The following CCDC60 variants were observed in gnomAD, a reference collection of about 807,000 sequenced individuals.
CCDC60 encodes the protein coiled-coil domain-containing protein 60.
CCDC60 carries 54 observed loss-of-function variants against 63.5 expected under a neutral mutation model. The ratio of observed to expected loss-of-function variants is 0.85; its 90% CI spans 0.68 to 1.07. The LOEUF (loss-of-function observed/expected upper bound fraction) is 1.07, where lower values mean the gene tolerates loss of function less well. Ranked by LOEUF, CCDC60 falls within the 50% of genes least tolerant of loss-of-function variation. The pLI is 0.00. For missense variants in CCDC60, 651 were observed against 684.3 expected (o/e 0.95, Z 0.54); for synonymous variants, 206 against 238.8 (o/e 0.86, Z 1.27).
At position 119,456,082 on chromosome 12, in the gene CCDC60, T is replaced by G. The variant is rs1950745268; in HGVS notation, c.171-15912T>G. 7.1e-6 allele frequency among the ~76,000 whole-genome samples: 1 copy of G among 140,420 alleles called. No individual in the cohort carries two copies. The highest frequency in any genetic ancestry group is 1.6e-5 in the Non-Finnish European group (1 of 62,614). The allele number at this position is 140,420 out of a possible 152,430, so 92.1% of individuals were successfully genotyped here. A position where few individuals can be genotyped will look rare whatever the true frequency, so the allele number is the denominator to read the frequency against. On this transcript the variant is annotated intron_variant, in intron 2 of 13. Transcript: ENST00000327554. The surrounding 1 kb of genome is among the most constrained non-coding windows in gnomAD (Gnocchi z 4.6). ...AAGAAAGCAAGCAAGCATGTGCAAT[T>G]TCAAGGGGGTAGAGAGATGCAAAGG...
At chr12:119,381,985 C>G (rs1355279013) in intron 1 of CCDC60, among the ~76,000 whole-genome samples, 5 of 152,224 alleles carry the variant, frequency 3.3e-5, no homozygotes, top group African/African-American at 9.6e-5. Context: ...TTGCAGGCAT[C>G]TGACACCTTC....
intron 1 of CCDC60, among the ~76,000 whole-genome samples, chr12:119,346,736 A>C (rs1327205519): frequency 7.0e-6 from 1 of 141,970 alleles, no homozygotes; most frequent in Non-Finnish European, 1.6e-5. Context: ...TGAGAAGAAG[A>C]GGGAGAAAAA....
At chr12:119,365,367 AT>A (rs1430713803) in intron 1 of CCDC60, among the ~76,000 whole-genome samples, 1 of 152,238 alleles carries the variant, frequency 6.6e-6, no homozygotes, top group Non-Finnish European at 1.5e-5. Context: ...AGGAAAGGAA[AT>A]CCTTTAGCAT....
chr12:119,485,340 C>A (rs989568620), intron 4 of CCDC60, among the ~76,000 whole-genome samples: 4 of 152,206 alleles, frequency 2.6e-5, no homozygotes, highest in African/African-American at 9.7e-5. Flanking sequence ...GGTGGTAGCA[C>A]AAGGAACAGA....
intron 1 of CCDC60, among the ~76,000 whole-genome samples, chr12:119,384,659 G>A (rs989192295): frequency 1.2e-4 from 18 of 152,212 alleles, no homozygotes; most frequent in Admixed American, 1.2e-3. Context: ...CTGCCTACCT[G>A]TGAAGTCTGC....
At chr12:119,488,350 A>C (rs1681383164) in intron 4 of CCDC60, among the ~76,000 whole-genome samples, 1 of 152,170 alleles carries the variant, frequency 6.6e-6, no homozygotes, top group South Asian at 2.1e-4. Flanking sequence ...ACAATTGGAC[A>C]TACATAGGAT....
At chr12:119,478,115 A>G (rs555052678) in intron 3 of CCDC60, among the ~76,000 whole-genome samples, 43 of 152,128 alleles carry the variant, frequency 2.8e-4, no homozygotes, top group Non-Finnish European at 5.4e-4. Context: ...GGAGTTCAAG[A>G]CCAGCCTGGC....
intron 1 of CCDC60, among the ~76,000 whole-genome samples, chr12:119,371,085 C>T (rs1439883852): frequency 1.3e-5 from 2 of 152,040 alleles, no homozygotes; most frequent in African/African-American, 2.4e-5. Context: ...GGGCCCTGGA[C>T]CCTAATGCCT....
intron 2 of CCDC60, among the ~76,000 whole-genome samples, chr12:119,430,195 CACACACAT>C (rs1336523524): frequency 6.6e-6 from 1 of 150,594 alleles, no homozygotes; most frequent in Non-Finnish European, 1.5e-5. Context: ...CACACACACA[CACACACAT>C]ACACACACAC....
rs1952672098 is a variant in CCDC60 at position 119,526,221 on chromosome 12, T to G, written c.1230-2394T>G. Reference sequence around the variant, plus strand: ...AACTGGCTAGCCATATGCAGAAGATTGAAGCTAGACCCCTCCCTTACACCA... The same window carrying G: ...AACTGGCTAGCCATATGCAGAAGATGGAAGCTAGACCCCTCCCTTACACCA... On this transcript the variant is annotated intron_variant, in intron 11 of 13. Transcript: ENST00000327554. 2.6e-5 allele frequency among the ~76,000 whole-genome samples: 4 copies of G among 152,310 alleles called. 1 individual carries two copies. In the South Asian group the frequency reaches 8.3e-4, roughly 32 times the overall value.
chr12:119,539,418 G>T (rs966366802), intron 13 of CCDC60, among the ~76,000 whole-genome samples: 8 of 152,224 alleles, frequency 5.3e-5, no homozygotes, highest in African/African-American at 1.9e-4. Flanking sequence ...GAGGCAGTTT[G>T]GCTACAGTGG....
At chr12:119,348,170 G>T (rs1037225290) in intron 1 of CCDC60, among the ~76,000 whole-genome samples, 1 of 152,088 alleles carries the variant, frequency 6.6e-6, no homozygotes, top group Non-Finnish European at 1.5e-5. Context: ...TTTAAAAGAG[G>T]CTCCTCAAAA....
intron 7 of CCDC60, 119 bp downstream of exon 7, chr12:119,505,422 C>G: frequency 1.5e-6 from 1 of 648,620 alleles, no homozygotes; most frequent in Non-Finnish European, 2.7e-6. Flanking sequence ...TGGGATCCCG[C>G]ATCCTTGTTC....
intron 1 of CCDC60, among the ~76,000 whole-genome samples, chr12:119,422,120 C>G (rs956331507): frequency 1.6e-4 from 24 of 152,116 alleles, no homozygotes; most frequent in Admixed American, 7.2e-4. Context: ...GAAAGGTGGG[C>G]AGGGCAGAGA....
At chr12:119,341,294 A>G (rs1955529967) in intron 1 of CCDC60, among the ~76,000 whole-genome samples, 1 of 152,098 alleles carries the variant, frequency 6.6e-6, no homozygotes, top group South Asian at 2.1e-4. Context: ...ATGCTGGACA[A>G]AATGAAGCAG....
At chr12:119,529,844 G>T (rs1264936296) in intron 12 of CCDC60, among the ~76,000 whole-genome samples, 2 of 152,134 alleles carry the variant, frequency 1.3e-5, no homozygotes, top group Non-Finnish European at 2.9e-5. Flanking sequence ...AATTAATGCT[G>T]GTCCTCCCAC....
At chr12:119,539,019 G>A (rs1953085492) in intron 13 of CCDC60, among the ~76,000 whole-genome samples, 1 of 152,212 alleles carries the variant, frequency 6.6e-6, no homozygotes, top group African/African-American at 2.4e-5. Flanking sequence ...ATCACCAGTG[G>A]AGGCTGCAGA....
intron 7 of CCDC60, among the ~76,000 whole-genome samples, chr12:119,512,855 G>A (rs1003235904): frequency 2.6e-5 from 4 of 152,204 alleles, no homozygotes; most frequent in African/African-American, 9.7e-5. Flanking sequence ...GGCTGTCATA[G>A]TTTTCTTCTT....
At chr12:119,373,672 G>C (rs1955921765) in intron 1 of CCDC60, among the ~76,000 whole-genome samples, 2 of 129,846 alleles carry the variant, frequency 1.5e-5, no homozygotes, top group Non-Finnish European at 3.3e-5. Flanking sequence ...TGGGGTGGGG[G>C]GGGGTCTCAG....
Sources: allele counts gnomAD v4.1 joint callset (sites outside exome capture counted in the v4.1 genomes callset), GRCh38; gene constraint gnomAD v4.1.1; non-coding constraint Gnocchi (gnomAD v3.1); transcripts MANE v1.5; gene names NCBI Gene and HGNC (gene_info 2026-07-23, HGNC 2026-07-21).